The following COL11A1 variants were observed in gnomAD, a reference collection of about 807,000 sequenced individuals.
COL11A1 encodes collagen alpha-1(XI) chain.
COL11A1 carries 74 observed loss-of-function variants against 265.2 expected under a neutral mutation model. The observed-to-expected ratio is 0.28, with a 90% CI of 0.23 to 0.34. The LOEUF is 0.34. Among genes scored for constraint, COL11A1 ranks in the 10% least tolerant of loss-of-function variants. The pLI is 1.00. For synonymous variants in COL11A1, 816 were observed against 727.6 expected, an observed-to-expected ratio of 1.12 and a Z score of -1.96; for missense variants, 2,165 against 2,263.6, an observed-to-expected ratio of 0.96 and a Z score of 0.88.
At chr1:103,007,597 C>T (rs773430207) in intron 15 of COL11A1, among the ~76,000 whole-genome samples, 3 of 151,992 alleles carry the variant, frequency 2.0e-5, no homozygotes, top group Non-Finnish European at 4.4e-5. Flanking sequence ...GTGAATCATT[C>T]CTATAATCCT....
In COL11A1 at chr1:102,877,483, G is replaced by A. The variant is rs1272094639; in HGVS notation, c.*536C>T. 6.5e-6 allele frequency: 1 copy of A among 152,726 alleles called. No individual in the cohort carries two copies. The highest frequency in any genetic ancestry group is 6.6e-5 in the Admixed American group (1 of 15,240). The allele number at this position is 152,726 out of a possible 1,614,324, so 9.5% of individuals were successfully genotyped here. The stretch of plus-strand genomic sequence containing the variant: ...TATTAACCAAAGAAAGGGACTTAGA[G>A]TCATCAGAAATTACAACTTTATTTT... On this transcript the variant is annotated 3_prime_UTR_variant, in exon 67 of 67. Coordinates refer to ENST00000370096, the MANE Select transcript of COL11A1 (RefSeq NM_001854.4).
intron 1 of COL11A1, among the ~76,000 whole-genome samples, chr1:103,099,280 A>G (rs1461595195): frequency 6.6e-6 from 1 of 151,722 alleles, no homozygotes; most frequent in East Asian, 1.9e-4. Flanking sequence ...TAATCTTATT[A>G]AGCATTTTGA....
Position 102,978,883 on chromosome 1 carries a change from G to T in COL11A1, c.2686C>A (p.Pro896Thr), listed in dbSNP as rs1662765661. The T allele has an allele frequency of 1.9e-6, 3 of 1,614,122 alleles. No individual in the cohort carries two copies. Among genetic ancestry groups the T allele is most frequent in the Non-Finnish European group, 2.5e-6 (3 of 1,180,004 alleles). ...ACCTTTGGCCCAGGTTTCCCAGTGGGACCTCTTGCACCTCTTGAACCTCGA... is the reference window on the plus strand; with the variant it reads ...ACCTTTGGCCCAGGTTTCCCAGTGGTACCTCTTGCACCTCTTGAACCTCGA... Reference protein sequence around the residue: ...GPRGSRGARGPTGKPGPKGTS... With the variant: ...GPRGSRGARGTTGKPGPKGTS... Residue 896 changes from proline (P) to threonine (T), a missense_variant, in exon 34 of 67, where the codon CCC becomes ACC. Coordinates refer to ENST00000370096, the MANE Select transcript of COL11A1 (RefSeq NM_001854.4).
Position 102,912,627 on chromosome 1 carries a change from T to C in COL11A1, c.4033-415A>G, listed in dbSNP as rs115079196. On this transcript the variant is annotated intron_variant, in intron 53 of 66. Transcript: ENST00000370096. ...TACAACACTAACATTCTATGCCAAG[T>C]TGTATATAACATACTGATATGGTTT... Among the ~76,000 whole-genome samples, 1,056 of 152,318 alleles carry C rather than the reference T, an allele frequency of 6.9e-3. 14 individuals are homozygous for C. The highest frequency in any genetic ancestry group is 0.024 in the African/African-American group (1,003 of 41,588).
chr1:103,066,694 A>G (rs1370850147), intron 4 of COL11A1, among the ~76,000 whole-genome samples: 1 of 151,962 alleles, frequency 6.6e-6, no homozygotes, highest in African/African-American at 2.4e-5. Flanking sequence ...TTAGCATAAC[A>G]TTTAATGTAA....
chr1:102,964,095 G>A (rs1206448722), intron 38 of COL11A1, among the ~76,000 whole-genome samples: 1 of 152,016 alleles, frequency 6.6e-6, no homozygotes, highest in Non-Finnish European at 1.5e-5. Flanking sequence ...CATGTAAAGA[G>A]GGGAACGAAA....
chr1:103,095,475 C>G (rs1352385461), intron 1 of COL11A1, among the ~76,000 whole-genome samples: 1 of 151,948 alleles, frequency 6.6e-6, no homozygotes, highest in African/African-American at 2.4e-5. Flanking sequence ...TGGGCAAAGT[C>G]TAGAAAGTCA....
At chr1:103,027,712 G>C (rs2101976831) in intron 5 of COL11A1, among the ~76,000 whole-genome samples, 1 of 151,976 alleles carries the variant, frequency 6.6e-6, no homozygotes, top group African/African-American at 2.4e-5. Flanking sequence ...AGCTCTAGTA[G>C]CTTAAGAGGA....
At chr1:102,962,798 T>C in intron 38 of COL11A1, 38 bp from the exon 39 acceptor site, 1 of 1,579,092 alleles carries the variant, frequency 6.3e-7, no homozygotes. Context: ...GATTGCTCTT[T>C]TATTTTTGGC....
intron 44 of COL11A1, among the ~76,000 whole-genome samples, chr1:102,935,527 G>T (rs1367476194): frequency 6.6e-6 from 1 of 152,118 alleles, no homozygotes; most frequent in Non-Finnish European, 1.5e-5. Context: ...AATTCTGAGG[G>T]TTCTATACAG....
intron 48 of COL11A1, among the ~76,000 whole-genome samples, chr1:102,921,191 TATC>T (rs896001047): frequency 1.3e-5 from 2 of 152,170 alleles, no homozygotes; most frequent in African/African-American, 4.8e-5. Flanking sequence ...GCATAAGAGT[TATC>T]ATATGCAAGG....
chr1:102,938,119 A>G (rs1244246657), intron 44 of COL11A1, among the ~76,000 whole-genome samples: 2 of 152,154 alleles, frequency 1.3e-5, no homozygotes, highest in East Asian at 3.9e-4. Flanking sequence ...TCATAGGACT[A>G]TGGTAACTCT....
At chr1:103,089,921 C>T (rs978860489) in intron 1 of COL11A1, among the ~76,000 whole-genome samples, 2 of 152,098 alleles carry the variant, frequency 1.3e-5, no homozygotes, top group African/African-American at 2.4e-5. Context: ...GTCAGGAGTT[C>T]AAGTCCAGCC....
rs780847926 is a variant in COL11A1 at position 102,923,362 on chromosome 1, CT to C, written c.3627del (p.Gly1210ValfsTer62). On this transcript the variant is annotated frameshift_variant, in exon 47 of 67. Coordinates refer to ENST00000370096, the MANE Select transcript of COL11A1 (RefSeq NM_001854.4). LOFTEE classifies it high-confidence loss of function. Reference sequence around the variant, plus strand: ...ATGGGACCAACATCCCCATTTTCACCTTTTTCACCAGGTGGGCCTGGCAGAC... The same window carrying C: ...ATGGGACCAACATCCCCATTTTCACCTTTTCACCAGGTGGGCCTGGCAGAC... ...LQGLPGPPGE[K>X]GENGDVGPMG... 6 of 1,605,708 alleles carry C rather than the reference CT, an allele frequency of 3.7e-6. No homozygotes were observed. Among genetic ancestry groups the C allele is most frequent in the East Asian group, 2.3e-5 (1 of 44,380 alleles).
intron 64 of COL11A1, 76 bp from the exon 65 acceptor site, chr1:102,881,841 T>C: frequency 9.5e-7 from 1 of 1,056,534 alleles, no homozygotes; most frequent in Non-Finnish European, 1.4e-6. Context: ...ATACATATAA[T>C]TCATTTTCAG....
intron 31 of COL11A1, among the ~76,000 whole-genome samples, chr1:102,979,833 T>C (rs12119971): frequency 0.1 from 15,719 of 152,204 alleles, 1,035 homozygotes; most frequent in Non-Finnish European, 0.14. Context: ...ATAGGAATTT[T>C]AGAAAATGTT....
At position 102,979,409 on chromosome 1, in the gene COL11A1, TG is replaced by T; in HGVS notation, c.2582del (p.Pro861GlnfsTer12). ...PKGSTGFPGF[P>X]GANGEKGARG... ...GTGCACCTTTCTCTCCATTGGCACC[TG>T]GAAACCCAGGGAATCCAGTGGAACC... is the stretch of plus-strand genomic sequence containing the variant. On this transcript the variant is annotated frameshift_variant, in exon 32 of 67. Coordinates refer to ENST00000370096, the MANE Select transcript of COL11A1 (RefSeq NM_001854.4). LOFTEE classifies it high-confidence loss of function. The T allele has an allele frequency of 6.2e-7, 1 of 1,610,386 alleles. No individual in the cohort carries two copies. The highest frequency in any genetic ancestry group is 1.3e-5 in the African/African-American group (1 of 74,976).
intron 57 of COL11A1, among the ~76,000 whole-genome samples, chr1:102,896,901 C>A (rs1038698938): frequency 6.6e-6 from 1 of 152,060 alleles, no homozygotes; most frequent in African/African-American, 2.4e-5. Context: ...TGACTCTGGG[C>A]AGTTATGAGT....
At chr1:102,922,903 A>G (rs1656156755) in intron 47 of COL11A1, among the ~76,000 whole-genome samples, 1 of 152,182 alleles carries the variant, frequency 6.6e-6, no homozygotes, top group Non-Finnish European at 1.5e-5. Flanking sequence ...TGCAGTCATC[A>G]CATTTCATTA....
Sources: gnomAD v4.1 joint callset for allele counts (sites outside exome capture counted in the v4.1 genomes callset) on GRCh38, gnomAD v4.1.1 for gene constraint, MANE v1.5 for transcripts, NCBI Gene and HGNC (gene_info 2026-07-23, HGNC 2026-07-21) for gene names.